Variants in ATP6V0A1 observed in about 807,000 individuals in gnomAD.
The protein encoded by ATP6V0A1 is ATPase H+ transporting V0 subunit a1, also known as V-type proton ATPase 116 kDa subunit a 1.
A neutral mutation model predicts 105.4 loss-of-function variants in ATP6V0A1; 43 were observed. That is an observed-to-expected ratio of 0.41 (90% CI 0.32 to 0.53). ATP6V0A1 has a LOEUF of 0.53. ATP6V0A1 is among the 20% of genes least tolerant of loss of function. The pLI, the probability that ATP6V0A1 is intolerant of heterozygous loss-of-function variation, is 0.30. For missense variants in ATP6V0A1, 676 were observed against 1,051.1 expected (o/e 0.64, Z 4.93); for synonymous variants, 362 against 372.8 (o/e 0.97, Z 0.33).
At chr17:42,466,544 T>C in intron 3 of ATP6V0A1, 37 bp downstream of exon 3, 2 of 1,534,128 alleles carry the variant, frequency 1.3e-6, no homozygotes, top group Non-Finnish European at 1.8e-6. Context: ...GTTCCTTTAA[T>C]GAATCATTTG....
intron 17 of ATP6V0A1, among the ~76,000 whole-genome samples, chr17:42,506,932 A>G (rs1221364980): frequency 6.6e-6 from 1 of 152,196 alleles, no homozygotes; most frequent in Non-Finnish European, 1.5e-5. Context: ...TAAGCTCAGC[A>G]TTCTCTAGCC....
At chr17:42,473,455 C>A (rs1235779860) in intron 5 of ATP6V0A1, among the ~76,000 whole-genome samples, 1 of 152,180 alleles carries the variant, frequency 6.6e-6, no homozygotes, top group African/African-American at 2.4e-5. Context: ...TTAAGAAATA[C>A]CCCAGAACAT....
chr17:42,507,091 G>A (rs1015534136), intron 17 of ATP6V0A1, among the ~76,000 whole-genome samples: 1 of 152,198 alleles, frequency 6.6e-6, no homozygotes, highest in Non-Finnish European at 1.5e-5. Flanking sequence ...CAATCACAAT[G>A]TCACTTGGCC....
intron 2 of ATP6V0A1, among the ~76,000 whole-genome samples, chr17:42,462,785 GA>G (rs1371118683): frequency 1.3e-5 from 2 of 150,750 alleles, no homozygotes; most frequent in Non-Finnish European, 3.0e-5. Context: ...ATAACATTAA[GA>G]AAAAAAATAG....
chr17:42,513,579 T>A lies in ATP6V0A1; in HGVS notation c.2131-282T>A, dbSNP rs145304201. On this transcript the variant is annotated intron_variant, in intron 19 of 21. Transcript: ENST00000343619. Reference sequence around the variant, plus strand: ...AGAAGAACAAATGTGTTGAAAAGAATCTTATTAAGATGTAGTTAATTAAAA... The same window carrying A: ...AGAAGAACAAATGTGTTGAAAAGAAACTTATTAAGATGTAGTTAATTAAAA... The A allele has an allele frequency of 1.4e-5, 5 of 350,250 alleles. No homozygotes were observed. In the East Asian group the frequency reaches 3.0e-4, roughly 21 times the overall value. The allele number at this position is 350,250 out of a possible 1,614,324, so 21.7% of individuals were successfully genotyped here. A position where few individuals can be genotyped will look rare whatever the true frequency, so the allele number is the denominator to read the frequency against.
chr17:42,495,502 T>C, intron 13 of ATP6V0A1, 124 bp from the exon 14 acceptor site: 1 of 770,982 alleles, frequency 1.3e-6, no homozygotes, highest in East Asian at 2.7e-5. Flanking sequence ...CTCTTTATTT[T>C]TCCCCTCCCA....
At chr17:42,474,758 A>G (rs1400409715) in intron 5 of ATP6V0A1, among the ~76,000 whole-genome samples, 1 of 152,230 alleles carries the variant, frequency 6.6e-6, no homozygotes, top group East Asian at 1.9e-4. Context: ...ACTATAATCA[A>G]TAATTCACAG....
intron 11 of ATP6V0A1, among the ~76,000 whole-genome samples, chr17:42,491,666 C>T (rs181344444): frequency 5.3e-5 from 8 of 151,864 alleles, no homozygotes; most frequent in Non-Finnish European, 2.9e-5. Flanking sequence ...TATTTTTAGT[C>T]GAGACGGGGT....
At chr17:42,512,576 C>CAGA (rs1475832557) in intron 19 of ATP6V0A1, among the ~76,000 whole-genome samples, 4 of 152,166 alleles carry the variant, frequency 2.6e-5, no homozygotes, top group African/African-American at 9.7e-5. Flanking sequence ...AAGAAAAGCC[C>CAGA]AGAAATAGGC....
chr17:42,491,920 G>A (rs564790281), intron 11 of ATP6V0A1, among the ~76,000 whole-genome samples: 1 of 152,328 alleles, frequency 6.6e-6, no homozygotes, highest in Admixed American at 6.5e-5. Context: ...GAGCCACTGC[G>A]CCCAGCCAAT....
chr17:42,460,695 C>T (rs1007510254), intron 1 of ATP6V0A1, among the ~76,000 whole-genome samples, 153 bp from the exon 2 acceptor site: 5 of 152,228 alleles, frequency 3.3e-5, no homozygotes, highest in Non-Finnish European at 7.3e-5. Context: ...TGCAATTTCT[C>T]CTTTCCATCT....
chr17:42,467,146 C>A (rs2087187760), intron 3 of ATP6V0A1, among the ~76,000 whole-genome samples: 1 of 144,870 alleles, frequency 6.9e-6, no homozygotes, highest in African/African-American at 2.5e-5. Context: ...GACTCCGTCT[C>A]AAAAAAAAAA....
At position 42,468,104 on chromosome 17, in the gene ATP6V0A1, AG is replaced by A; in HGVS notation, c.292del (p.Glu98ArgfsTer11). The A allele has an allele frequency of 6.3e-7, 1 of 1,584,150 alleles. No homozygotes were observed. Among genetic ancestry groups the A allele is most frequent in the Non-Finnish European group, 8.6e-7 (1 of 1,163,194 alleles). ...CCTTCCCCCGGGACATGATTGACTTAGAGGTAAACACTTCTGGGAAAACCAG... is the reference window on the plus strand; with the variant it reads ...CCTTCCCCCGGGACATGATTGACTTAAGGTAAACACTTCTGGGAAAACCAG... Reference protein sequence around the residue: ...VPFPRDMIDLEANFEKIENEL... With the variant: ...VPFPRDMIDLXANFEKIENEL... On this transcript the variant is annotated frameshift_variant and splice_region_variant, in exon 4 of 22. Coordinates refer to ENST00000343619, the MANE Select transcript of ATP6V0A1 (RefSeq NM_001130021.3). LOFTEE classifies it high-confidence loss of function.
In ATP6V0A1 at chr17:42,477,681, G is replaced by A; in HGVS notation, c.445G>A (p.Glu149Lys). The part of the protein sequence containing the change: ...FDEMADPDLL[E>K]ESSSLLEPSE... ...GCAGATGGCGGATCCAGACTTGTTG[G>A]AAGAGTCCTCATCCCTCTTGGAGCC... Residue 149 changes from glutamate (E) to lysine (K), a missense_variant, in exon 6 of 22, where the codon GAA (glutamate) becomes AAA (lysine). By Grantham distance (56) the Glu-to-Lys change is moderately conservative (BLOSUM62 1). This residue lies in a region of ATP6V0A1 where 239 missense variants were observed against 388.4 expected (regional missense o/e 0.62). Transcript: ENST00000343619. 6.2e-7 allele frequency: 1 copy of A among 1,613,880 alleles called. No individual in the cohort carries two copies. The highest frequency in any genetic ancestry group is 8.5e-7 in the Non-Finnish European group (1 of 1,179,914).
In ATP6V0A1 at chr17:42,521,110, T is replaced by G. The variant is rs1309322342; in HGVS notation, c.2504T>G (p.Phe835Cys). ...FSFEHIREGK[F>C]EE is the part of the protein sequence containing the mutation. ...TTCGAGCATATTCGGGAAGGGAAGTTTGAAGAGTGAGTCCCTGTGAGGGCC... is the reference window on the plus strand; with the variant it reads ...TTCGAGCATATTCGGGAAGGGAAGTGTGAAGAGTGAGTCCCTGTGAGGGCC... The change falls in exon 22 of 22, where the codon TTT becomes TGT. Residue 835 changes from phenylalanine (F) to cysteine (C), a missense_variant. This residue lies in a region of ATP6V0A1 where 435 missense variants were observed against 642.2 expected (regional missense o/e 0.68). Coordinates refer to ENST00000343619, the MANE Select transcript of ATP6V0A1 (RefSeq NM_001130021.3). This position sits in a 1 kb window ranked among gnomAD's most constrained non-coding sequence, Gnocchi z 4.8. The G allele has an allele frequency of 6.2e-7, 1 of 1,608,918 alleles. No individual in the cohort carries two copies. Among genetic ancestry groups the G allele is most frequent in the South Asian group, 1.1e-5 (1 of 90,406 alleles).
chr17:42,493,305 A>G (rs1244127976), intron 11 of ATP6V0A1, among the ~76,000 whole-genome samples: 1 of 152,190 alleles, frequency 6.6e-6, no homozygotes, highest in Non-Finnish European at 1.5e-5. Context: ...GCCCTATGGA[A>G]GAACTGCTTT....
At chr17:42,511,237 T>C (rs145538854) in intron 19 of ATP6V0A1, 10 of 152,334 alleles carry the variant, frequency 6.6e-5, no homozygotes. Context: ...AGCATCGGCA[T>C]TTAAGGAAGA....
intron 5 of ATP6V0A1, among the ~76,000 whole-genome samples, chr17:42,472,260 G>T (rs1478640850): frequency 6.6e-6 from 1 of 151,470 alleles, no homozygotes; most frequent in Non-Finnish European, 1.5e-5. Flanking sequence ...CACCATGTTG[G>T]CCAGGCTGGT....
At chr17:42,466,587 A>G in intron 3 of ATP6V0A1, 80 bp downstream of exon 3, 1 of 1,223,884 alleles carries the variant, frequency 8.2e-7, no homozygotes, top group Admixed American at 2.0e-5. Context: ...CTCTTAATAG[A>G]GGAAGAAAAT....
Sources: gnomAD v4.1 joint callset for allele counts (sites outside exome capture counted in the v4.1 genomes callset) on GRCh38, gnomAD v4.1.1 for gene constraint, gnomAD v4.1.1 regional missense constraint, Gnocchi (gnomAD v3.1) non-coding constraint, MANE v1.5 for transcripts, NCBI Gene and HGNC (gene_info 2026-07-23, HGNC 2026-07-21) for gene names.